The following TBC1D5 variants were observed in gnomAD, a reference collection of about 807,000 sequenced individuals.
The protein encoded by TBC1D5 is TBC1 domain family member 5.
A neutral mutation model predicts 100.3 loss-of-function variants in TBC1D5; 75 were observed. The observed-to-expected ratio is 0.75, with a 90% CI of 0.62 to 0.91. TBC1D5 has a LOEUF of 0.91. TBC1D5 is among the 40% of genes least tolerant of loss of function. TBC1D5 has a pLI of 0.00. For missense variants in TBC1D5, 910 were observed against 942.4 expected, an observed-to-expected ratio of 0.97 and a Z score of 0.45; for synonymous variants, 323 against 325.6, an observed-to-expected ratio of 0.99 and a Z score of 0.09.
chr3:17,705,982 TC>T (rs2074099514), intron 1 of TBC1D5: 10 of 1,276,096 alleles, frequency 7.8e-6, no homozygotes, highest in Non-Finnish European at 9.5e-6. Flanking sequence ...ATTTCTTTAC[TC>T]TTTTTTTTTT....
At chr3:17,241,978 T>C (rs1195352771) in intron 16 of TBC1D5, among the ~76,000 whole-genome samples, 1 of 152,226 alleles carries the variant, frequency 6.6e-6, no homozygotes, top group African/African-American at 2.4e-5. Context: ...AAAGTAAGTT[T>C]TGCATTAATT....
intron 3 of TBC1D5, among the ~76,000 whole-genome samples, chr3:17,442,609 T>C (rs1400437741): frequency 2.0e-5 from 3 of 152,186 alleles, no homozygotes; most frequent in Non-Finnish European, 2.9e-5. Flanking sequence ...AGCTCACTCC[T>C]CACCTGTACA....
At chr3:17,694,093 A>C (rs2071613253) in intron 1 of TBC1D5, among the ~76,000 whole-genome samples, 2 of 152,238 alleles carry the variant, frequency 1.3e-5, no homozygotes, top group African/African-American at 2.4e-5. Context: ...TCTGCAGGTC[A>C]CCAACATCAA....
intron 3 of TBC1D5, among the ~76,000 whole-genome samples, chr3:17,463,618 A>G (rs1348359991): frequency 2.0e-5 from 3 of 152,212 alleles, no homozygotes; most frequent in Non-Finnish European, 4.4e-5. Flanking sequence ...AATGATTCCA[A>G]AAGATTCATG....
At chr3:17,531,763 G>A (rs2096229340) in intron 2 of TBC1D5, among the ~76,000 whole-genome samples, 4 of 152,276 alleles carry the variant, frequency 2.6e-5, no homozygotes, top group African/African-American at 4.8e-5. Flanking sequence ...AAATGGTGCT[G>A]GGAAAACTGG....
At chr3:17,706,364 G>T in intron 1 of TBC1D5, 1 of 1,191,214 alleles carries the variant, frequency 8.4e-7, no homozygotes, top group Non-Finnish European at 1.1e-6. Flanking sequence ...TTGAAGGAAA[G>T]CTAATCTAAT....
chr3:17,649,435 A>G (rs1001513920), intron 1 of TBC1D5, among the ~76,000 whole-genome samples: 3 of 152,300 alleles, frequency 2.0e-5, no homozygotes, highest in East Asian at 1.9e-4. Flanking sequence ...ATGTTTACCT[A>G]TGTAACAAAT....
chr3:17,555,550 T>G (rs575881702), intron 2 of TBC1D5, among the ~76,000 whole-genome samples: 44 of 152,126 alleles, frequency 2.9e-4, no homozygotes, highest in Non-Finnish European at 5.6e-4. Flanking sequence ...TAAAAGGTAT[T>G]GGACTCCCAG....
intron 17 of TBC1D5, among the ~76,000 whole-genome samples, chr3:17,231,078 G>A (rs1400347183): frequency 6.6e-6 from 1 of 152,114 alleles, no homozygotes; most frequent in Non-Finnish European, 1.5e-5. Context: ...ATCCAGAGAT[G>A]TGAAACCCAT....
chr3:17,552,175 C>A (rs1466137741), intron 2 of TBC1D5, among the ~76,000 whole-genome samples: 2 of 151,236 alleles, frequency 1.3e-5, no homozygotes, highest in East Asian at 3.9e-4. Context: ...AACACAAGGA[C>A]CTATGATCTT....
At chr3:17,157,883 T>G (rs2065729346) in exon 22 of TBC1D5, 1 of 151,914 alleles carries the variant, frequency 6.6e-6, no homozygotes, top group East Asian at 1.9e-4. Flanking sequence ...AGCAGCTTCC[T>G]TAGCAACCCC....
chr3:17,602,564 T>G (rs1171265382), intron 2 of TBC1D5, among the ~76,000 whole-genome samples: 12 of 118,172 alleles, frequency 1.0e-4, no homozygotes, highest in African/African-American at 3.9e-4. Context: ...GAATCAGATT[T>G]TTTTTTTTTT....
At chr3:17,392,140 G>A (rs970901895) in intron 8 of TBC1D5, among the ~76,000 whole-genome samples, 1 of 152,050 alleles carries the variant, frequency 6.6e-6, no homozygotes, top group Non-Finnish European at 1.5e-5. Flanking sequence ...CCTTTGTTAA[G>A]ATCTCAGAAA....
intron 1 of TBC1D5, among the ~76,000 whole-genome samples, chr3:17,716,388 G>A (rs778839784): frequency 2.2e-4 from 34 of 151,788 alleles, no homozygotes; most frequent in Non-Finnish European, 3.7e-4. Context: ...TTAGTGGAGG[G>A]GACAACTGGA....
At chr3:17,671,595 A>C (rs992414974) in intron 1 of TBC1D5, among the ~76,000 whole-genome samples, 5 of 152,378 alleles carry the variant, frequency 3.3e-5, no homozygotes, top group Admixed American at 3.3e-4. Context: ...TCTTTAAGGC[A>C]TTTTAATAGC....
chr3:17,607,657 G>A (rs530126715), intron 2 of TBC1D5, among the ~76,000 whole-genome samples: 4 of 150,362 alleles, frequency 2.7e-5, no homozygotes, highest in South Asian at 2.1e-4. Flanking sequence ...CCTTGCCCCC[G>A]CCAATACCCC....
At chr3:17,435,265 A>T (rs1213487484) in intron 3 of TBC1D5, among the ~76,000 whole-genome samples, 2 of 152,104 alleles carry the variant, frequency 1.3e-5, no homozygotes, top group Admixed American at 1.3e-4. Context: ...TCTCTTCCAC[A>T]TTTTTGGGTA....
At chr3:17,173,947 G>T (rs915114252) in intron 19 of TBC1D5, among the ~76,000 whole-genome samples, 2 of 152,094 alleles carry the variant, frequency 1.3e-5, no homozygotes, top group Non-Finnish European at 2.9e-5. Context: ...TGTGCACAGG[G>T]TGTGTGCCAT....
intron 3 of TBC1D5, among the ~76,000 whole-genome samples, chr3:17,433,695 C>A (rs1292716841): frequency 2.6e-5 from 4 of 152,028 alleles, no homozygotes; most frequent in Non-Finnish European, 5.9e-5. Context: ...CACAGTCATG[C>A]CTTCCCAACA....
Sources: gnomAD v4.1 joint callset for allele counts (sites outside exome capture counted in the v4.1 genomes callset) on GRCh38, gnomAD v4.1.1 for gene constraint, MANE v1.5 for transcripts, NCBI Gene and HGNC (gene_info 2026-07-23, HGNC 2026-07-21) for gene names.